ARFGAP2: variants seen among roughly 807,000 people sequenced by gnomAD.
ARFGAP2 encodes ARF GTPase activating protein 2.
A neutral mutation model predicts 71.9 loss-of-function variants in ARFGAP2; 45 were observed. That is an observed-to-expected ratio of 0.63 (90% CI 0.49 to 0.80). The LOEUF (loss-of-function observed/expected upper bound fraction) is 0.80. ARFGAP2 is among the 30% of genes least tolerant of loss of function. ARFGAP2 has a pLI of 0.00. For synonymous variants in ARFGAP2, 248 were observed against 249.2 expected, an observed-to-expected ratio of 1.00 and a Z score of 0.05; for missense variants, 633 against 673.9, an observed-to-expected ratio of 0.94 and a Z score of 0.67.
At chr11:47,176,085 C>T (rs2135441124) in intron 2 of ARFGAP2, 162 bp from the exon 3 acceptor site, 1 of 670,508 alleles carries the variant, frequency 1.5e-6, no homozygotes, top group Non-Finnish European at 2.6e-6. Flanking sequence ...GAAAACTCTC[C>T]TCTTCGTTCA....
intron 7 of ARFGAP2, chr11:47,173,172 G>T: frequency 2.0e-6 from 1 of 512,520 alleles, no homozygotes; most frequent in South Asian, 2.1e-5. Context: ...ACTTTGGCTA[G>T]ACCCAGCCCC....
In ARFGAP2 at chr11:47,172,338, G is replaced by T; in HGVS notation, c.620-5C>A. ...CAATGATGGAGCTTTTCAGTTCTGC[G>T]TGAGAAACGGGTAGGCATGAGCTAA... On this transcript the variant is annotated splice_polypyrimidine_tract_variant and splice_region_variant and intron_variant, in intron 7 of 15. Transcript: ENST00000524782. The T allele has an allele frequency of 6.2e-7, 1 of 1,614,100 alleles. No homozygotes were observed. Among genetic ancestry groups the T allele is most frequent in the Non-Finnish European group, 8.5e-7 (1 of 1,180,010 alleles).
chr11:47,175,028 G>C lies in ARFGAP2; in HGVS notation c.467C>G (p.Thr156Arg). ...SPEKKDSDFF[T>R]EHTQPPAWDA... ...GTGGGCACTCACTTGAGTGTGTTCT[G>C]TGAAGAAATCAGAGTCCTTCTTCTC... is the stretch of plus-strand genomic sequence containing the variant. The change falls in exon 5 of 16, where the codon ACA (threonine) becomes AGA (arginine). Residue 156 changes from threonine to arginine, a missense_variant. Physicochemically the swap from Thr to Arg is moderately conservative, Grantham distance 71. Coordinates refer to ENST00000524782, the MANE Select transcript of ARFGAP2 (RefSeq NM_032389.6). The C allele has an allele frequency of 6.2e-7, 1 of 1,614,202 alleles. No individual in the cohort carries two copies. Among genetic ancestry groups the C allele is most frequent in the Non-Finnish European group, 8.5e-7 (1 of 1,180,028 alleles).
At chr11:47,175,457 T>TA (rs1952768936) in intron 3 of ARFGAP2, 144 bp from the exon 4 acceptor site, 1 of 1,338,976 alleles carries the variant, frequency 7.5e-7, no homozygotes, top group Non-Finnish European at 1.0e-6. Flanking sequence ...TTTTCAGAGA[T>TA]AAAGTTTCTC....
In ARFGAP2 at chr11:47,175,336, G is replaced by A. The variant is rs374723242; in HGVS notation, c.265-23C>T. Reference sequence around the variant, plus strand: ...CGTCTGGAGAGCAAAGAAGAGAGCAGCGCGTGCTACGGGTGATTCTCAAGA... The same window carrying A: ...CGTCTGGAGAGCAAAGAAGAGAGCAACGCGTGCTACGGGTGATTCTCAAGA... On this transcript the variant is annotated intron_variant, in intron 3 of 15. Coordinates refer to ENST00000524782, the MANE Select transcript of ARFGAP2 (RefSeq NM_032389.6). The A allele has an allele frequency of 1.3e-5, 21 of 1,613,828 alleles. No homozygotes were observed. The African/African-American group carries it at 2.4e-4, about 18-fold the overall frequency.
chr11:47,174,082 G>A, intron 5 of ARFGAP2: 1 of 635,130 alleles, frequency 1.6e-6, no homozygotes, highest in South Asian at 1.9e-5. Context: ...CTAACTTAAA[G>A]ACAGTTAACT....
chr11:47,164,400 G>C lies in ARFGAP2; in HGVS notation c.*1082C>G, dbSNP rs1952270644. 8 of 922,844 alleles carry C rather than the reference G, an allele frequency of 8.7e-6. No homozygotes were observed. The highest frequency in any genetic ancestry group is 3.2e-5 in the Admixed American group (1 of 31,306). The allele number at this position is 922,844 out of a possible 1,614,324, so 57.2% of individuals were successfully genotyped here. On this transcript the variant is annotated 3_prime_UTR_variant, in exon 16 of 16. Coordinates refer to ENST00000524782, the MANE Select transcript of ARFGAP2 (RefSeq NM_032389.6). ...CCAGAAAGAAAGTCAAGTCCCTCTG[G>C]GGGAGGGGCAAGGGGAAGAGTGGTC...
intron 15 of ARFGAP2, among the ~76,000 whole-genome samples, chr11:47,165,736 G>A (rs1465028589): frequency 6.6e-6 from 1 of 152,214 alleles, no homozygotes; most frequent in Non-Finnish European, 1.5e-5. Context: ...AAGAGAAAGA[G>A]CGGTACAGGT....
At chr11:47,166,014 G>C (rs965301102) in intron 15 of ARFGAP2, among the ~76,000 whole-genome samples, 1 of 152,062 alleles carries the variant, frequency 6.6e-6, no homozygotes, top group Non-Finnish European at 1.5e-5. Flanking sequence ...ACAGGTGCAC[G>C]CCATCATGCC....
rs1384257878 is a variant in ARFGAP2 at position 47,176,054 on chromosome 11, C to T, written c.192-131G>A. On this transcript the variant is annotated intron_variant, in intron 2 of 15. Transcript: ENST00000524782. ...ACATTAATCAGCCATCACCCCATTTCCTCCACACTACCCTGTCCATGAAAA... is the reference window on the plus strand; with the variant it reads ...ACATTAATCAGCCATCACCCCATTTTCTCCACACTACCCTGTCCATGAAAA... The T allele has an allele frequency of 1.4e-5, 11 of 805,810 alleles. No homozygotes were observed. In the South Asian group the frequency reaches 1.5e-4, roughly 11 times the overall value. The allele number at this position is 805,810 out of a possible 1,614,324, so 49.9% of individuals were successfully genotyped here.
At position 47,166,852 on chromosome 11, in the gene ARFGAP2, A is replaced by G; in HGVS notation, c.1240T>C (p.Ser414Pro). ...CGCGCCTCACTAGACTCGAGGCCTG[A>G]GCTCCGGCTCTCCACTTCCCTCCGG... ...TNRREVESRS[S>P]GLESSEARQK... The change falls in exon 13 of 16, where the codon TCA becomes CCA. Residue 414 changes from serine to proline, a missense_variant. Coordinates refer to ENST00000524782, the MANE Select transcript of ARFGAP2 (RefSeq NM_032389.6). 6.2e-7 allele frequency: 1 copy of G among 1,614,018 alleles called. No homozygotes were observed. The highest frequency in any genetic ancestry group is 8.5e-7 in the Non-Finnish European group (1 of 1,180,016).
intron 10 of ARFGAP2, among the ~76,000 whole-genome samples, chr11:47,170,460 A>G (rs1343162602): frequency 6.6e-6 from 1 of 152,172 alleles, no homozygotes; most frequent in Admixed American, 6.6e-5. Flanking sequence ...AGCCTGGCCA[A>G]CATGGTGAAA....
rs1952391646 is a variant in ARFGAP2 at position 47,166,642 on chromosome 11, T to C, written c.1333-43A>G. 4 of 1,606,210 alleles carry C rather than the reference T, an allele frequency of 2.5e-6. No individual in the cohort carries two copies. The East Asian group carries it at 8.9e-5, about 36-fold the overall frequency. On this transcript the variant is annotated intron_variant, in intron 13 of 15. Transcript: ENST00000524782. ...CCAGGCCTGGGGATCTTGGGGCTGA[T>C]GACCCAAGGACTCACACAGGCCAGG...
Position 47,175,173 on chromosome 11 carries a change from G to A in ARFGAP2, c.396+9C>T, listed in dbSNP as rs1490607392. On this transcript the variant is annotated intron_variant, in intron 4 of 15. Coordinates refer to ENST00000524782, the MANE Select transcript of ARFGAP2 (RefSeq NM_032389.6). ...CCCTCCTGCCCCAGCCCCAAGAACA[G>A]GCACTTACATCAGTGCCATGCCTAG... is the stretch of plus-strand genomic sequence containing the variant. 3 of 1,613,964 alleles carry A rather than the reference G, an allele frequency of 1.9e-6. No homozygotes were observed. Among genetic ancestry groups the A allele is most frequent in the Non-Finnish European group, 1.7e-6 (2 of 1,179,962 alleles).
At chr11:47,168,479 G>A (rs1952476278) in intron 10 of ARFGAP2, 3 of 471,438 alleles carry the variant, frequency 6.4e-6, no homozygotes, top group Non-Finnish European at 1.1e-5. Context: ...TTTATTCCAC[G>A]TAGGAGTTCC....
chr11:47,172,685 G>A (rs1952650440), intron 7 of ARFGAP2: 3 of 1,310,986 alleles, frequency 2.3e-6, no homozygotes, highest in Non-Finnish European at 2.0e-6. Flanking sequence ...ACAGGGGCTG[G>A]GCTCCCCAAG....
chr11:47,170,375 G>A (rs532577583), intron 10 of ARFGAP2, among the ~76,000 whole-genome samples: 7 of 149,766 alleles, frequency 4.7e-5, no homozygotes, highest in East Asian at 2.0e-4. Context: ...GCCGGGCACC[G>A]TGGCTCATGC....
chr11:47,175,832 G>C lies in ARFGAP2; in HGVS notation c.264+19C>G. On this transcript the variant is annotated intron_variant, in intron 3 of 15. Coordinates refer to ENST00000524782, the MANE Select transcript of ARFGAP2 (RefSeq NM_032389.6). ...CCAGGCAGAAGAATGGAAGGTGAGGGAAGTAGAAGGAGCTTTACCGCATTG... is the reference window on the plus strand; with the variant it reads ...CCAGGCAGAAGAATGGAAGGTGAGGCAAGTAGAAGGAGCTTTACCGCATTG... 1.2e-6 allele frequency: 2 copies of C among 1,614,084 alleles called. No individual in the cohort carries two copies. The highest frequency in any genetic ancestry group is 1.7e-6 in the Non-Finnish European group (2 of 1,179,936).
At position 47,175,931 on chromosome 11, in the gene ARFGAP2, C is replaced by T; in HGVS notation, c.192-8G>A. On this transcript the variant is annotated splice_polypyrimidine_tract_variant and splice_region_variant and intron_variant, in intron 2 of 15. Transcript: ENST00000524782. ...GAATCCAACTCTGTGGACCTGTGTA[C>T]AAGGGCTGCGTCTCACCCACTAGCA... 1 of 1,613,936 alleles carries T rather than the reference C, an allele frequency of 6.2e-7. No homozygotes were observed. The highest frequency in any genetic ancestry group is 8.5e-7 in the Non-Finnish European group (1 of 1,179,930).
Sources: allele counts gnomAD v4.1 joint callset (sites outside exome capture counted in the v4.1 genomes callset), GRCh38; gene constraint gnomAD v4.1.1; transcripts MANE v1.5; gene names NCBI Gene and HGNC (gene_info 2026-07-23, HGNC 2026-07-21).